ENTPD5: variants seen among roughly 807,000 people sequenced by gnomAD.
The protein encoded by ENTPD5 is nucleoside diphosphate phosphatase ENTPD5.
Under a neutral mutation model 60.2 loss-of-function variants are expected in ENTPD5, and 49 were observed. The observed-to-expected ratio is 0.81, with a 90% CI of 0.65 to 1.03. The LOEUF (loss-of-function observed/expected upper bound fraction) is 1.03, where lower values mean the gene tolerates loss of function less well. ENTPD5 is among the 50% of genes least tolerant of loss of function. ENTPD5 has a pLI of 0.00. For synonymous variants in ENTPD5, 187 were observed against 185.4 expected, an observed-to-expected ratio of 1.01 and a Z score of -0.07; for missense variants, 480 against 507.6, an observed-to-expected ratio of 0.95 and a Z score of 0.52.
chr14:73,976,377 T>C lies in ENTPD5; in HGVS notation c.589A>G (p.Thr197Ala). The C allele has an allele frequency of 6.2e-7, 1 of 1,614,110 alleles. No homozygotes were observed. Among genetic ancestry groups the C allele is most frequent in the Non-Finnish European group, 8.5e-7 (1 of 1,180,010 alleles). Reference sequence around the variant, plus strand: ...GTGGAGGCTCCCCCTAGGTCCAAGGTCCCCACAGTCTCCTGTCTGTGGCCA... The same window carrying C: ...GTGGAGGCTCCCCCTAGGTCCAAGGCCCCCACAGTCTCCTGTCTGTGGCCA... The part of the protein sequence containing the change: ...LHGHRQETVG[T>A]LDLGGASTQI... The change falls in exon 9 of 16, where the codon ACC (threonine) becomes GCC (alanine). Residue 197 changes from threonine to alanine, a missense_variant. By Grantham distance (58) the Thr-to-Ala change is moderately conservative. Coordinates refer to ENST00000334696, the MANE Select transcript of ENTPD5 (RefSeq NM_001249.5).
chr14:73,983,229 C>T, intron 5 of ENTPD5, 68 bp from the exon 6 acceptor site: 1 of 1,478,446 alleles, frequency 6.8e-7, no homozygotes, highest in Non-Finnish European at 9.1e-7. Flanking sequence ...TCTATTCTGT[C>T]AACATACTTT....
chr14:73,987,108 C>G (rs1243912893), intron 4 of ENTPD5: 1 of 703,084 alleles, frequency 1.4e-6, no homozygotes, highest in African/African-American at 1.7e-5. Context: ...CTGGTGGACA[C>G]CTAACTCCTC....
chr14:73,959,617 G>T, downstream of ENTPD5: 1 of 1,593,752 alleles, frequency 6.3e-7, no homozygotes, highest in South Asian at 1.1e-5. Context: ...TGCCAGGCTG[G>T]AGCGCAGTGG....
At chr14:73,963,109 A>G, downstream of ENTPD5, 1 of 966,430 alleles carries the variant, frequency 1.0e-6, no homozygotes. Context: ...ACTTTACATT[A>G]AAATTCTCTT....
At chr14:73,963,050 C>G (rs1273631791), downstream of ENTPD5, 1 of 1,308,306 alleles carries the variant, frequency 7.6e-7, no homozygotes. Context: ...ACATCCTGCC[C>G]AGGACCCATC....
At chr14:73,985,726 G>A (rs17782351) in intron 5 of ENTPD5, among the ~76,000 whole-genome samples, 5,054 of 152,120 alleles carry the variant, frequency 0.033, 121 homozygotes, top group Non-Finnish European at 0.048. Flanking sequence ...CTTTTGAACA[G>A]CTCCAAATTT....
Position 73,998,415 on chromosome 14 carries a change from T to C in ENTPD5, c.-70-10243A>G, listed in dbSNP as rs1340415410. Among the ~76,000 whole-genome samples the C allele has an allele frequency of 2.8e-5, 4 of 145,354 alleles. 1 individual carries two copies. Among genetic ancestry groups the C allele is most frequent in the African/African-American group, 1.1e-4 (4 of 35,580 alleles). On this transcript the variant is annotated intron_variant, in intron 3 of 15. Transcript: ENST00000334696. ...CCCCTTCTTTCGAAACAGATCCTTT[T>C]GTCTTTGTCTTCATTTCTGCGTTTG...
At chr14:73,976,068 A>T in intron 9 of ENTPD5, 53 bp from the exon 10 acceptor site, 1 of 1,435,536 alleles carries the variant, frequency 7.0e-7, no homozygotes, top group Non-Finnish European at 9.8e-7. Context: ...TTACCTGAAG[A>T]TGTTCACACC....
At chr14:73,990,997 C>A (rs2058105128) in intron 3 of ENTPD5, among the ~76,000 whole-genome samples, 2 of 152,082 alleles carry the variant, frequency 1.3e-5, no homozygotes, top group African/African-American at 2.4e-5. Context: ...CCACTGCACT[C>A]CAGCCTGGGC....
downstream of ENTPD5, chr14:73,961,383 G>C (rs765667062): frequency 1.2e-6 from 2 of 1,614,190 alleles, no homozygotes; most frequent in Non-Finnish European, 8.5e-7. Flanking sequence ...TGGGTAAGAC[G>C]ATAACAGAGC....
intron 3 of ENTPD5, chr14:73,996,182 C>G (rs1228291859): frequency 6.1e-6 from 6 of 985,232 alleles, no homozygotes; most frequent in African/African-American, 1.8e-5. Flanking sequence ...CCTGTTTCAG[C>G]TCTTCTTAAT....
intron 6 of ENTPD5, among the ~76,000 whole-genome samples, chr14:73,978,260 A>G (rs2057525517): frequency 6.6e-6 from 1 of 152,112 alleles, no homozygotes. Context: ...CAGCAGCCAG[A>G]ACGGTGCTTT....
At chr14:74,005,689 C>T (rs1456394934) in intron 3 of ENTPD5, among the ~76,000 whole-genome samples, 1 of 151,976 alleles carries the variant, frequency 6.6e-6, no homozygotes, top group Non-Finnish European at 1.5e-5. Flanking sequence ...CGCCTGTAAT[C>T]CCAGCTACTT....
intron 15 of ENTPD5, among the ~76,000 whole-genome samples, chr14:73,967,961 C>T (rs988142887): frequency 6.6e-6 from 1 of 151,704 alleles, no homozygotes; most frequent in African/African-American, 2.4e-5. Context: ...CCCGTGTCTA[C>T]TAAAAATACA....
chr14:73,990,915 G>A (rs2058101753), intron 3 of ENTPD5, among the ~76,000 whole-genome samples: 1 of 152,040 alleles, frequency 6.6e-6, no homozygotes, highest in Non-Finnish European at 1.5e-5. Flanking sequence ...AGTAGTCCCA[G>A]CTACTCAGGA....
chr14:74,009,933 A>C (rs1462032650), intron 3 of ENTPD5, among the ~76,000 whole-genome samples: 2 of 152,084 alleles, frequency 1.3e-5, no homozygotes, highest in Non-Finnish European at 2.9e-5. Context: ...CAGGGACTAC[A>C]GGTGCCCGCC....
downstream of ENTPD5, chr14:73,958,463 A>T: frequency 6.9e-7 from 1 of 1,457,612 alleles, no homozygotes; most frequent in South Asian, 1.3e-5. Context: ...TACAGGGAGC[A>T]ATCTCATGGG....
intron 13 of ENTPD5, among the ~76,000 whole-genome samples, chr14:73,972,110 G>A (rs1457784610): frequency 1.3e-5 from 2 of 152,064 alleles, no homozygotes; most frequent in Non-Finnish European, 2.9e-5. Flanking sequence ...CGGGTGTGGT[G>A]GCTCATGCCT....
In ENTPD5 at chr14:74,019,277, C is replaced by T. The variant is rs988906582; in HGVS notation, c.-265G>A. 20 of 438,588 alleles carry T rather than the reference C, an allele frequency of 4.6e-5. No individual in the cohort carries two copies. The highest frequency in any genetic ancestry group is 6.3e-5 in the Admixed American group (1 of 15,846). 27.2% of individuals were successfully genotyped at this position (438,588 alleles called of 1,614,324 possible). A position where few individuals can be genotyped will look rare whatever the true frequency, so the allele number is the denominator to read the frequency against. ...CGCGCGCGCCACCCTTGCGCGGCAGCCCGCCGCCCTCGGCGCGACCTCCGC... is the reference window on the plus strand; with the variant it reads ...CGCGCGCGCCACCCTTGCGCGGCAGTCCGCCGCCCTCGGCGCGACCTCCGC... On this transcript the variant is annotated 5_prime_UTR_variant, in exon 1 of 16. Transcript: ENST00000334696.
Sources: gnomAD v4.1 joint callset for allele counts (sites outside exome capture counted in the v4.1 genomes callset) on GRCh38, gnomAD v4.1.1 for gene constraint, MANE v1.5 for transcripts, NCBI Gene and HGNC (gene_info 2026-07-23, HGNC 2026-07-21) for gene names.